Variants in PHKA1 observed in about 807,000 individuals in gnomAD.
The protein encoded by PHKA1 is phosphorylase kinase regulatory subunit alpha 1.
Under a neutral mutation model 110.2 loss-of-function variants are expected in PHKA1, and 60 were observed. That is an observed-to-expected ratio of 0.54 (90% CI 0.44 to 0.68). PHKA1 has a LOEUF of 0.68. PHKA1 is among the 30% of genes least tolerant of loss of function. PHKA1 has a pLI of 0.00. For missense variants in PHKA1, 801 were observed against 942.5 expected, an observed-to-expected ratio of 0.85 and a Z score of 1.97; for synonymous variants, 316 against 333.6, an observed-to-expected ratio of 0.95 and a Z score of 0.58.
At position 72,644,414 on chromosome X, in the gene PHKA1, G is replaced by A. The variant is rs782548478; in HGVS notation, c.1407C>T (p.Tyr469=). The A allele has an allele frequency of 2.5e-6, 3 of 1,206,761 alleles. No individual in the cohort carries two copies. The highest frequency in any genetic ancestry group is 3.4e-6 in the Non-Finnish European group (3 of 891,376). ...GIYVETIAEV[Y]PIRVQPARIL... is the part of the protein sequence containing the mutation. ...TACGAGCTGGTTGTACTCTGATGGG[G>A]TATACCTCAGCAATGGTCTCCACGT... is the stretch of plus-strand genomic sequence containing the variant. Residue 469 remains tyrosine, a synonymous_variant, in exon 14 of 32, where the codon TAC becomes TAT. Coordinates refer to ENST00000373542, the MANE Select transcript of PHKA1 (RefSeq NM_002637.4).
chrX:72,590,390 G>A (rs1308865646), intron 29 of PHKA1, among the ~76,000 whole-genome samples: 4 of 111,939 alleles, frequency 3.6e-5, no homozygotes, highest in African/African-American at 1.3e-4. Flanking sequence ...AGCTGAAACT[G>A]GATCCCTTCT....
intron 23 of PHKA1, among the ~76,000 whole-genome samples, chrX:72,608,247 G>A (rs1243276548): frequency 7.2e-5 from 8 of 111,534 alleles, no homozygotes; most frequent in Non-Finnish European, 1.1e-4. Context: ...ACTGGAATGG[G>A]AGTCTGATGC....
intron 28 of PHKA1, among the ~76,000 whole-genome samples, chrX:72,601,052 T>C (rs2052651932): frequency 9.0e-6 from 1 of 111,288 alleles, no homozygotes; most frequent in African/African-American, 3.3e-5. Context: ...CATGACTTCC[T>C]AGAGTTTTAA....
intron 12 of PHKA1, among the ~76,000 whole-genome samples, chrX:72,651,650 AC>A (rs1168040227): frequency 1.8e-5 from 2 of 112,151 alleles, no homozygotes; most frequent in Non-Finnish European, 3.8e-5. Context: ...TGAGAGAGTC[AC>A]CAGGTAAGGA....
intron 6 of PHKA1, among the ~76,000 whole-genome samples, chrX:72,671,323 A>G (rs1394079093): frequency 8.1e-5 from 9 of 110,724 alleles, no homozygotes; most frequent in African/African-American, 3.0e-4. Context: ...TCATGAGTGA[A>G]CTCCCATTCA....
chrX:72,660,731 CAAG>C (rs1403180051), intron 8 of PHKA1: 4 of 301,742 alleles, frequency 1.3e-5, no homozygotes, highest in African/African-American at 2.7e-5. Context: ...TTAAGATGTG[CAAG>C]AAGATTTAAG....
In PHKA1 at chrX:72,680,265, C is replaced by T. The variant is rs190301144; in HGVS notation, c.538-4115G>A. Among the ~76,000 whole-genome samples the T allele has an allele frequency of 2.2e-3, 244 of 111,945 alleles. 1 individual carries two copies. Among genetic ancestry groups the T allele is most frequent in the African/African-American group, 7.4e-3 (228 of 30,792 alleles). On this transcript the variant is annotated intron_variant, in intron 5 of 31. Coordinates refer to ENST00000373542, the MANE Select transcript of PHKA1 (RefSeq NM_002637.4). ...CCAACCTCAGGTGATCCACCCACCT[C>T]GGCCTCCCAAAGTGCTGGGATTACA...
At chrX:72,622,770 A>T in intron 18 of PHKA1, 1 of 742,951 alleles carries the variant, frequency 1.3e-6, no homozygotes, top group Non-Finnish European at 1.6e-6. Flanking sequence ...AGTACTGTAT[A>T]TGTATTATTT....
At chrX:72,698,706 G>A (rs2054162599) in intron 3 of PHKA1, among the ~76,000 whole-genome samples, 2 of 112,598 alleles carry the variant, frequency 1.8e-5, no homozygotes, top group South Asian at 7.4e-4. Context: ...TAGGCAGTAT[G>A]CACAGACAAT....
At chrX:72,660,572 C>T (rs1188584807) in intron 8 of PHKA1, 1 of 366,803 alleles carries the variant, frequency 2.7e-6, no homozygotes, top group Admixed American at 3.4e-5. Flanking sequence ...CTATGTAATA[C>T]CTAAAACAGG....
At chrX:72,606,698 A>G (rs1184419740) in intron 23 of PHKA1, among the ~76,000 whole-genome samples, 1 of 111,347 alleles carries the variant, frequency 9.0e-6, no homozygotes, top group African/African-American at 3.3e-5. Flanking sequence ...TCAAGCATTT[A>G]TCTTTTGTGT....
At chrX:72,650,527 A>G in intron 12 of PHKA1, 59 bp from the exon 13 acceptor site, 1 of 950,854 alleles carries the variant, frequency 1.1e-6, no homozygotes, top group Non-Finnish European at 1.5e-6. Flanking sequence ...CTAATACTTG[A>G]GGGAAAACAA....
At chrX:72,591,913 C>T (rs1246126481) in intron 29 of PHKA1, among the ~76,000 whole-genome samples, 1 of 112,261 alleles carries the variant, frequency 8.9e-6, no homozygotes, top group Non-Finnish European at 1.9e-5. Flanking sequence ...ATTTATCGGA[C>T]ATGTACTGTT....
At chrX:72,640,057 G>A (rs2053278129) in intron 14 of PHKA1, among the ~76,000 whole-genome samples, 1 of 111,887 alleles carries the variant, frequency 8.9e-6, no homozygotes, top group Non-Finnish European at 1.9e-5. Flanking sequence ...AGACTTAAAT[G>A]TAAAATTGTA....
chrX:72,639,467 C>T (rs2053269465), intron 14 of PHKA1, among the ~76,000 whole-genome samples: 2 of 111,100 alleles, frequency 1.8e-5, no homozygotes, highest in South Asian at 3.9e-4. Context: ...ACCTGGGAGG[C>T]GGTGGTTGCA....
chrX:72,612,483 T>C (rs2052826293), intron 21 of PHKA1, among the ~76,000 whole-genome samples: 1 of 112,120 alleles, frequency 8.9e-6, no homozygotes, highest in South Asian at 3.7e-4. Context: ...GATCTATCAA[T>C]TCGAGTTCTG....
intron 6 of PHKA1, among the ~76,000 whole-genome samples, chrX:72,672,351 T>C (rs1444570022): frequency 9.0e-6 from 1 of 111,720 alleles, no homozygotes; most frequent in Non-Finnish European, 1.9e-5. Context: ...TCTTGAGGAA[T>C]AGCACCTGGC....
Position 72,713,985 on chromosome X carries a change from C to G in PHKA1, c.-105G>C. 1 of 614,350 alleles carries G rather than the reference C, an allele frequency of 1.6e-6. No individual in the cohort carries two copies. The allele number at this position is 614,350 out of a possible 1,213,427, so 50.6% of individuals were successfully genotyped here. A position where few individuals can be genotyped will look rare whatever the true frequency, so the allele number is the denominator to read the frequency against. On this transcript the variant is annotated 5_prime_UTR_variant, in exon 1 of 32. Transcript: ENST00000373542. ...ACGCTGCTCCACCCTCGTGGTGGGA[C>G]GCCTGAACACCAGGCCCCGCAGAGC...
intron 13 of PHKA1, among the ~76,000 whole-genome samples, chrX:72,648,444 G>T (rs1556297803): frequency 1.8e-5 from 2 of 111,400 alleles, no homozygotes; most frequent in Non-Finnish European, 3.8e-5. Flanking sequence ...GAGAAGGTGT[G>T]GAATAGTGGT....
Sources: allele counts gnomAD v4.1 joint callset (sites outside exome capture counted in the v4.1 genomes callset), GRCh38; gene constraint gnomAD v4.1.1; transcripts MANE v1.5; gene names NCBI Gene and HGNC (gene_info 2026-07-23, HGNC 2026-07-21).